The following HACD3 variants were observed in gnomAD, a reference collection of about 807,000 sequenced individuals.
HACD3 encodes very-long-chain (3R)-3-hydroxyacyl-CoA dehydratase 3.
Under a neutral mutation model 55.2 loss-of-function variants are expected in HACD3, and 30 were observed. The ratio of observed to expected loss-of-function variants is 0.54; its 90% CI spans 0.41 to 0.74. HACD3 has a LOEUF of 0.74. HACD3 is among the 30% of genes least tolerant of loss of function. The pLI is 0.00. For synonymous variants in HACD3, 141 were observed against 151.7 expected, an observed-to-expected ratio of 0.93 and a Z score of 0.52; for missense variants, 363 against 440.1, an observed-to-expected ratio of 0.82 and a Z score of 1.57.
At chr15:65,547,873 G>A (rs1303975564) in intron 1 of HACD3, among the ~76,000 whole-genome samples, 3 of 152,198 alleles carry the variant, frequency 2.0e-5, no homozygotes, top group Non-Finnish European at 4.4e-5. Flanking sequence ...AAATGAATAA[G>A]ACACAGTCCC....
In HACD3 at chr15:65,564,204, T is replaced by C; in HGVS notation, c.533-11T>C. 1 of 1,611,920 alleles carries C rather than the reference T, an allele frequency of 6.2e-7. No individual in the cohort carries two copies. The highest frequency in any genetic ancestry group is 8.5e-7 in the Non-Finnish European group (1 of 1,178,512). On this transcript the variant is annotated splice_polypyrimidine_tract_variant and intron_variant, in intron 6 of 10. Transcript: ENST00000261875. ...AACTGATTCACCCTTAATGTATATT[T>C]TTGCCTATAGAGTCCTTTTATGACA...
At chr15:65,549,894 C>T (rs1324027484) in intron 1 of HACD3, among the ~76,000 whole-genome samples, 2 of 152,194 alleles carry the variant, frequency 1.3e-5, no homozygotes, top group African/African-American at 4.8e-5. Context: ...AACCCTCAAG[C>T]CATGCATTTA....
chr15:65,539,246 G>A (rs1315055339), intron 1 of HACD3, among the ~76,000 whole-genome samples: 2 of 109,766 alleles, frequency 1.8e-5, no homozygotes, highest in Non-Finnish European at 3.3e-5. Flanking sequence ...TTGAGATGGA[G>A]TCTCACCGTG....
chr15:65,567,065 G>A (rs2072299504), intron 7 of HACD3: 1 of 151,782 alleles, frequency 6.6e-6, no homozygotes, highest in African/African-American at 2.4e-5. Flanking sequence ...GCTCATTCCT[G>A]TAATCCCCAT....
At position 65,560,047 on chromosome 15, in the gene HACD3, GT is replaced by G. The variant is rs1203554676; in HGVS notation, c.421+1329del. Among the ~76,000 whole-genome samples, 844 of 141,914 alleles carry G rather than the reference GT, an allele frequency of 5.9e-3. 6 individuals are homozygous for G. Among genetic ancestry groups the G allele is most frequent in the African/African-American group, 0.019 (736 of 39,066 alleles). 93.1% of individuals were successfully genotyped at this position (141,914 alleles called of 152,430 possible). A position where few individuals can be genotyped will look rare whatever the true frequency, so the allele number is the denominator to read the frequency against. On this transcript the variant is annotated intron_variant, in intron 5 of 10. Transcript: ENST00000261875. ...TGGAGTCTTAGGATAAGGCTGTGTT[GT>G]TTTTTTTTTTTTGAGATGGGGTCTT...
intron 1 of HACD3, among the ~76,000 whole-genome samples, chr15:65,533,117 T>TGACTTAAGCCGTGACA (rs2071918725): frequency 6.6e-6 from 1 of 152,198 alleles, no homozygotes; most frequent in Non-Finnish European, 1.5e-5. Flanking sequence ...ACTTGTAATC[T>TGACTTAAGCCGTGACA]CTGACTTAAG....
rs2072270515 is a variant in HACD3 at position 65,564,229 on chromosome 15, A to G, written c.547A>G (p.Thr183Ala). The G allele has an allele frequency of 6.2e-7, 1 of 1,613,564 alleles. No individual in the cohort carries two copies. Reference sequence around the variant, plus strand: ...TTTGCCTATAGAGTCCTTTTATGACACATTCCATACTGTGGCTGACATGAT... The same window carrying G: ...TTTGCCTATAGAGTCCTTTTATGACGCATTCCATACTGTGGCTGACATGAT... ...CILGKESFYD[T>A]FHTVADMMYF... Residue 183 changes from threonine to alanine, a missense_variant, in exon 7 of 11, where the codon ACA (threonine) becomes GCA (alanine). Physicochemically the swap from Thr to Ala is moderately conservative, Grantham distance 58. Transcript: ENST00000261875.
At chr15:65,565,381 C>T (rs1397684882) in intron 7 of HACD3, 1 of 152,312 alleles carries the variant, frequency 6.6e-6, no homozygotes, top group African/African-American at 2.4e-5. Context: ...CCTCACTGCC[C>T]TAGCAGAGGT....
intron 4 of HACD3, among the ~76,000 whole-genome samples, chr15:65,557,470 C>CAA (rs754834285): frequency 1.0e-5 from 1 of 99,964 alleles, no homozygotes; most frequent in South Asian, 3.0e-4. Context: ...GCGAGAGTCT[C>CAA]AAAAAAAAAA....
At chr15:65,537,195 A>G (rs1454586145) in intron 1 of HACD3, among the ~76,000 whole-genome samples, 2 of 152,344 alleles carry the variant, frequency 1.3e-5, no homozygotes, top group African/African-American at 4.8e-5. Flanking sequence ...GAAAGGCTCC[A>G]TAACATAAAA....
chr15:65,533,744 TA>T (rs11383716), intron 1 of HACD3, among the ~76,000 whole-genome samples: 71 of 141,136 alleles, frequency 5.0e-4, no homozygotes, highest in African/African-American at 1.4e-3. Context: ...ATTTGTTATT[TA>T]AAAAAAAAAA....
chr15:65,544,537 T>C (rs1223547846), intron 1 of HACD3, among the ~76,000 whole-genome samples: 1 of 152,144 alleles, frequency 6.6e-6, no homozygotes, highest in Non-Finnish European at 1.5e-5. Context: ...GATCTCTCAG[T>C]ACTATTTCTT....
intron 1 of HACD3, among the ~76,000 whole-genome samples, chr15:65,542,420 C>T (rs1027175875): frequency 1.3e-5 from 2 of 151,746 alleles, no homozygotes; most frequent in Non-Finnish European, 2.9e-5. Context: ...CATGCCATCA[C>T]GCCAGGCTAA....
intron 5 of HACD3, among the ~76,000 whole-genome samples, chr15:65,561,220 A>G (rs567303329): frequency 6.6e-6 from 1 of 152,278 alleles, no homozygotes; most frequent in African/African-American, 2.4e-5. Context: ...TAATCCCAGC[A>G]CTTTGGGAGG....
rs750002235 is a variant in HACD3 at position 65,562,753 on chromosome 15, C to CTGCTT, written c.422-9_422-5dup. 5.0e-5 allele frequency: 80 copies of CTGCTT among 1,611,292 alleles called. 1 individual carries two copies. The Middle Eastern group carries it at 8.2e-4, about 17-fold the overall frequency. ...TGGGACTATTGCTTTTAATAGCTTA[C>CTGCTT]TGCTTTGCTTTGCTTTACAGCTCTT... On this transcript the variant is annotated intron_variant, in intron 5 of 10. Transcript: ENST00000261875.
At position 65,545,106 on chromosome 15, in the gene HACD3, C is replaced by CG. The variant is rs566522121; in HGVS notation, c.88-6569dup. 3.8e-3 allele frequency among the ~76,000 whole-genome samples: 581 copies of CG among 151,974 alleles called. 2 individuals carry two copies. The highest frequency in any genetic ancestry group is 6.2e-3 in the Non-Finnish European group (421 of 67,986). ...CAGGTAAGGATTAACAATGGTTGAC[C>CG]GTACCATTGGATGAAAGAGTGTTGT... is the stretch of plus-strand genomic sequence containing the variant. On this transcript the variant is annotated intron_variant, in intron 1 of 10. Transcript: ENST00000261875.
intron 1 of HACD3, among the ~76,000 whole-genome samples, chr15:65,539,214 T>G (rs1288680490): frequency 2.3e-4 from 1 of 4,316 alleles, no homozygotes; most frequent in African/African-American, 4.8e-4. Flanking sequence ...ACAGGACTTT[T>G]TTTTTTTTTT....
intron 3 of HACD3, 102 bp downstream of exon 3, chr15:65,555,062 C>T (rs2072175521): frequency 1.1e-6 from 1 of 918,124 alleles, no homozygotes. Flanking sequence ...AAGATAAAAA[C>T]CAAAGGGGAA....
intron 7 of HACD3, among the ~76,000 whole-genome samples, chr15:65,567,284 C>T (rs1438489678): frequency 6.6e-6 from 1 of 151,746 alleles, no homozygotes; most frequent in African/African-American, 2.4e-5. Context: ...GTGCCACTGC[C>T]CTCCAACCTG....
Sources: allele counts gnomAD v4.1 joint callset (sites outside exome capture counted in the v4.1 genomes callset), GRCh38; gene constraint gnomAD v4.1.1; transcripts MANE v1.5; gene names NCBI Gene and HGNC (gene_info 2026-07-23, HGNC 2026-07-21).